Variants in AFTPH observed in about 807,000 individuals in gnomAD.
AFTPH encodes the protein aftiphilin.
In AFTPH, 7 loss-of-function variants were observed where a neutral mutation model predicts 72.5. That is an observed-to-expected ratio of 0.10 (90% CI 0.05 to 0.18). The LOEUF (loss-of-function observed/expected upper bound fraction) is 0.18. AFTPH is among the 10% of genes least tolerant of loss of function. The pLI is 1.00. For missense variants in AFTPH, 979 were observed against 1,060.5 expected (o/e 0.92, Z 1.07); for synonymous variants, 337 against 370.1 (o/e 0.91, Z 1.03).
chr2:64,562,162 T>A (rs749829865), intron 2 of AFTPH, among the ~76,000 whole-genome samples: 6 of 152,130 alleles, frequency 3.9e-5, no homozygotes, highest in Non-Finnish European at 8.8e-5. Context: ...GAGTAATACA[T>A]GTAGAGCGTC....
At chr2:64,592,004 C>T in exon 9 of AFTPH, 2 of 1,613,786 alleles carry the variant, frequency 1.2e-6, no homozygotes, top group Non-Finnish European at 1.7e-6. Context: ...TTAACACCTT[C>T]CACAAGCTCT....
At chr2:64,563,070 A>T (rs1262689044) in intron 2 of AFTPH, among the ~76,000 whole-genome samples, 1 of 152,208 alleles carries the variant, frequency 6.6e-6, no homozygotes, top group African/African-American at 2.4e-5. Context: ...GCCCCCACCT[A>T]ATCAAAACCA....
At chr2:64,578,671 C>T (rs1366533617) in intron 6 of AFTPH, among the ~76,000 whole-genome samples, 2 of 152,034 alleles carry the variant, frequency 1.3e-5, no homozygotes, top group East Asian at 3.9e-4. Flanking sequence ...AATTCTCCTG[C>T]CTCAGCCTCC....
chr2:64,555,555 TCACACACACACACACACACACA>T (rs111905151), intron 2 of AFTPH, among the ~76,000 whole-genome samples: 42 of 140,870 alleles, frequency 3.0e-4, no homozygotes, highest in Admixed American at 9.3e-4. Flanking sequence ...AGAGAGACTG[TCACACACACACACACACACACA>T]CACACACACA....
intron 6 of AFTPH, among the ~76,000 whole-genome samples, chr2:64,576,118 C>CACACACACACGT (rs1553404165): frequency 3.9e-4 from 53 of 137,044 alleles, no homozygotes; most frequent in African/African-American, 9.0e-4. Flanking sequence ...CACACACACA[C>CACACACACACGT]GTGTGTCATA....
At position 64,567,806 on chromosome 2, in the gene AFTPH, C is replaced by T. The variant is rs571233842; in HGVS notation, c.2087+93C>T. The T allele has an allele frequency of 3.1e-4, 434 of 1,400,132 alleles. No homozygotes were observed. The African/African-American group carries it at 5.7e-3, about 18-fold the overall frequency. 86.7% of individuals were successfully genotyped at this position (1,400,132 alleles called of 1,614,324 possible). ...TATCTTAAAACATTAAGGTTCAGGC[C>T]AGGCGCAGTGGATCACCTGAGGTCA... On this transcript the variant is annotated intron_variant, in intron 3 of 8. Transcript: ENST00000238856.
At chr2:64,549,308 C>CTTTTTTTTTTTTTTT (rs34951706) in intron 1 of AFTPH, among the ~76,000 whole-genome samples, 3 of 56,026 alleles carry the variant, frequency 5.4e-5, no homozygotes, top group African/African-American at 1.8e-4. Flanking sequence ...TTAGTCCTCC[C>CTTTTTTTTTTTTTTT]TTTTTTTTTT....
intron 2 of AFTPH, among the ~76,000 whole-genome samples, chr2:64,558,773 T>C (rs1174791303): frequency 6.6e-6 from 1 of 152,232 alleles, no homozygotes; most frequent in African/African-American, 2.4e-5. Flanking sequence ...AATCTACTTA[T>C]TCCAGCTCAG....
At chr2:64,530,585 G>T (rs1352912567) in intron 1 of AFTPH, among the ~76,000 whole-genome samples, 1 of 151,914 alleles carries the variant, frequency 6.6e-6, no homozygotes, top group Non-Finnish European at 1.5e-5. Context: ...GATAATAGAA[G>T]AAAAATATCA....
intron 1 of AFTPH, among the ~76,000 whole-genome samples, chr2:64,550,728 C>CAA (rs1282354040): frequency 4.9e-5 from 7 of 141,992 alleles, no homozygotes; most frequent in Middle Eastern, 3.7e-3. Context: ...CACACACACA[C>CAA]ACAACTGGTG....
intron 3 of AFTPH, among the ~76,000 whole-genome samples, chr2:64,568,041 CA>C (rs879521055): frequency 1.0e-3 from 142 of 140,004 alleles, no homozygotes; most frequent in Middle Eastern, 3.7e-3. Flanking sequence ...GCTCTATCTC[CA>C]AAAAAAAAAA....
chr2:64,589,236 G>A (rs1037133189), intron 8 of AFTPH, among the ~76,000 whole-genome samples: 3 of 152,148 alleles, frequency 2.0e-5, no homozygotes, highest in Non-Finnish European at 4.4e-5. Flanking sequence ...GTATGAGGTA[G>A]GAGTCCACAT....
chr2:64,532,753 T>C (rs954169232), intron 1 of AFTPH, among the ~76,000 whole-genome samples: 1 of 152,036 alleles, frequency 6.6e-6, no homozygotes, highest in Admixed American at 6.5e-5. Context: ...AATCTGAGAG[T>C]CCAAGAATAT....
chr2:64,591,768 A>C, intron 8 of AFTPH, 120 bp from the exon 10 acceptor site: 1 of 1,046,480 alleles, frequency 9.6e-7, no homozygotes, highest in Non-Finnish European at 1.4e-6. Flanking sequence ...GAACTAGCAG[A>C]GGAAAAAATA....
At chr2:64,559,923 C>G (rs1447460046) in intron 2 of AFTPH, among the ~76,000 whole-genome samples, 2 of 152,084 alleles carry the variant, frequency 1.3e-5, no homozygotes, top group Non-Finnish European at 2.9e-5. Flanking sequence ...CAGATGGTCT[C>G]CAACTCCTGG....
chr2:64,555,841 G>A (rs1321490118), intron 2 of AFTPH, among the ~76,000 whole-genome samples: 4 of 152,110 alleles, frequency 2.6e-5, no homozygotes, highest in Non-Finnish European at 5.9e-5. Flanking sequence ...AGAGAATTGC[G>A]GCTGGCACTT....
At chr2:64,549,585 T>G (rs1670904512) in intron 1 of AFTPH, among the ~76,000 whole-genome samples, 1 of 152,056 alleles carries the variant, frequency 6.6e-6, no homozygotes, top group Non-Finnish European at 1.5e-5. Context: ...CCTCCCAAAG[T>G]GCTGGGATTA....
chr2:64,592,032 A>G (rs1485512397), exon 9 of AFTPH: 1 of 1,613,070 alleles, frequency 6.2e-7, no homozygotes, highest in African/African-American at 1.3e-5. Flanking sequence ...AAGCAGACGG[A>G]TAACTGATGT....
chr2:64,551,713 G>A lies in AFTPH; in HGVS notation c.239G>A (p.Ser80Asn), dbSNP rs202065069. 1.3e-4 allele frequency: 211 copies of A among 1,613,804 alleles called. 1 individual carries two copies. The African/African-American group carries it at 2.2e-3, about 17-fold the overall frequency. Residue 80 changes from serine (S) to asparagine (N), a missense_variant, in exon 2 of 9, where the codon AGC becomes AAC. This residue lies in a region of AFTPH where 498 missense variants were observed against 467.6 expected (regional missense o/e 1.06). Transcript: ENST00000238856. The stretch of plus-strand genomic sequence containing the variant: ...TCAGAAAATGTAGATAGCCTTACAA[G>A]CTTTAAGTCCATTAAAAATGGTAAT...
Sources: allele counts gnomAD v4.1 joint callset (sites outside exome capture counted in the v4.1 genomes callset), GRCh38; gene constraint gnomAD v4.1.1; regional missense constraint gnomAD v4.1.1; transcripts MANE v1.5; gene names NCBI Gene and HGNC (gene_info 2026-07-23, HGNC 2026-07-21).